KPNA1: variants seen among roughly 807,000 people sequenced by gnomAD.
KPNA1 encodes the protein karyopherin subunit alpha 1.
KPNA1 carries 10 observed loss-of-function variants against 70.5 expected under a neutral mutation model. That is an observed-to-expected ratio of 0.14 (90% CI 0.09 to 0.24). The LOEUF (loss-of-function observed/expected upper bound fraction) is 0.24. KPNA1 is among the 10% of genes least tolerant of loss of function. The pLI, the probability that KPNA1 is intolerant of heterozygous loss-of-function variation, is 1.00. For synonymous variants in KPNA1, 192 were observed against 221.9 expected (o/e 0.87, Z 1.20); for missense variants, 397 against 637.9 (o/e 0.62, Z 4.07).
chr3:122,472,745 A>T (rs1187508240), intron 2 of KPNA1, among the ~76,000 whole-genome samples: 2 of 152,194 alleles, frequency 1.3e-5, no homozygotes, highest in Non-Finnish European at 2.9e-5. Context: ...TCAAAGAAAG[A>T]AAATCACTAC....
In KPNA1 at chr3:122,451,608, T is replaced by C. The variant is rs769193108; in HGVS notation, c.679A>G (p.Thr227Ala). The change falls in exon 8 of 14, where the codon ACC becomes GCC. Residue 227 changes from threonine to alanine, a missense_variant. By Grantham distance (58) the Thr-to-Ala change is moderately conservative. Coordinates refer to ENST00000344337, the MANE Select transcript of KPNA1 (RefSeq NM_002264.4). ...GCCCATACTGCATTCCGGGTCATGG[T>C]CAGGCGGTTTTGCTTTGAAAATAAC... ...LQLFSKQNRL[T>A]MTRNAVWALS... 1.2e-6 allele frequency: 2 copies of C among 1,613,940 alleles called. No homozygotes were observed. Among genetic ancestry groups the C allele is most frequent in the South Asian group, 2.2e-5 (2 of 91,050 alleles).
At chr3:122,499,438 G>A (rs2076799907) in intron 1 of KPNA1, among the ~76,000 whole-genome samples, 1 of 133,070 alleles carries the variant, frequency 7.5e-6, no homozygotes, top group African/African-American at 2.6e-5. Flanking sequence ...ATATCACAAT[G>A]TGATTTTTTT....
chr3:122,504,298 A>T (rs2076863900), intron 1 of KPNA1, among the ~76,000 whole-genome samples: 1 of 148,778 alleles, frequency 6.7e-6, no homozygotes, highest in Non-Finnish European at 1.5e-5. Flanking sequence ...TTCACAGATG[A>T]CCATTTTTTT....
At chr3:122,448,386 A>T (rs1463554564) in intron 9 of KPNA1, among the ~76,000 whole-genome samples, 1 of 152,230 alleles carries the variant, frequency 6.6e-6, no homozygotes, top group Non-Finnish European at 1.5e-5. Flanking sequence ...AATGTGGTAC[A>T]TATACACCAC....
chr3:122,498,029 A>T (rs1334759739), intron 1 of KPNA1, among the ~76,000 whole-genome samples: 22 of 152,094 alleles, frequency 1.4e-4, no homozygotes, highest in Non-Finnish European at 1.5e-5. Context: ...TAAGTCTGTG[A>T]TCCATTTTGA....
intron 2 of KPNA1, among the ~76,000 whole-genome samples, chr3:122,486,086 A>T (rs1450353571): frequency 2.0e-5 from 3 of 152,210 alleles, no homozygotes; most frequent in Non-Finnish European, 2.9e-5. Context: ...TCCTAAGTAT[A>T]CACCAGCTAT....
At chr3:122,461,950 C>T (rs943045745) in intron 4 of KPNA1, among the ~76,000 whole-genome samples, 1 of 152,104 alleles carries the variant, frequency 6.6e-6, no homozygotes. Flanking sequence ...TGACAATATG[C>T]GTGTGGCAAT....
At chr3:122,459,399 G>GA in intron 5 of KPNA1, 1 of 984,766 alleles carries the variant, frequency 1.0e-6, no homozygotes, top group Non-Finnish European at 1.2e-6. Context: ...AGACAGGAAA[G>GA]AAACACTTTT....
rs766198475 is a variant in KPNA1 at position 122,467,390 on chromosome 3, T to A, written c.169A>T (p.Thr57Ser). 2 of 1,610,620 alleles carry A rather than the reference T, an allele frequency of 1.2e-6. No individual in the cohort carries two copies. Among genetic ancestry groups the A allele is most frequent in the Non-Finnish European group, 1.7e-6 (2 of 1,177,748 alleles). The change falls in exon 3 of 14, where the codon ACA (threonine) becomes TCA (serine). Residue 57 changes from threonine (T) to serine (S), a missense_variant. Coordinates refer to ENST00000344337, the MANE Select transcript of KPNA1 (RefSeq NM_002264.4). ...CCATCTGACATAACTTCTTCTTCTG[T>A]TTCTTCTTCTGCTGTAGCAACATTT... ...RRNVATAEEETEEEVMSDGGF... is the reference protein window; with the variant it reads ...RRNVATAEEESEEEVMSDGGF...
intron 5 of KPNA1, among the ~76,000 whole-genome samples, chr3:122,456,803 A>T (rs1288465497): frequency 6.6e-6 from 1 of 152,210 alleles, no homozygotes; most frequent in Non-Finnish European, 1.5e-5. Context: ...AAAATCAAAA[A>T]CAGTTTTGCT....
rs142444392 is a variant in KPNA1 at position 122,477,379 on chromosome 3, A to G, written c.130-9950T>C. Reference sequence around the variant, plus strand: ...CAACATGGTGACTATAGTTCATAACAGTATATTGTACATTTGAAGACTGTT... The same window carrying G: ...CAACATGGTGACTATAGTTCATAACGGTATATTGTACATTTGAAGACTGTT... On this transcript the variant is annotated intron_variant, in intron 2 of 13. Coordinates refer to ENST00000344337, the MANE Select transcript of KPNA1 (RefSeq NM_002264.4). Among the ~76,000 whole-genome samples the G allele has an allele frequency of 1.2e-3, 186 of 152,326 alleles. 1 individual carries two copies. Among genetic ancestry groups the G allele is most frequent in the African/African-American group, 4.4e-3 (182 of 41,562 alleles).
intron 5 of KPNA1, among the ~76,000 whole-genome samples, chr3:122,459,036 T>C (rs1284495460): frequency 6.6e-6 from 1 of 152,204 alleles, no homozygotes; most frequent in Non-Finnish European, 1.5e-5. Context: ...GCCTAATTAT[T>C]AGTTTGCACA....
At chr3:122,482,741 A>G (rs1267242051) in intron 2 of KPNA1, among the ~76,000 whole-genome samples, 1 of 152,216 alleles carries the variant, frequency 6.6e-6, no homozygotes, top group Non-Finnish European at 1.5e-5. Context: ...TTACAACAGC[A>G]TCAATAAAAA....
At chr3:122,512,133 C>CT (rs2076961607) in intron 1 of KPNA1, among the ~76,000 whole-genome samples, 1 of 151,888 alleles carries the variant, frequency 6.6e-6, no homozygotes, top group Admixed American at 6.6e-5. Flanking sequence ...GAACACAGCT[C>CT]TGAGACTCCT....
intron 4 of KPNA1, among the ~76,000 whole-genome samples, chr3:122,461,998 G>C (rs1462658461): frequency 6.6e-6 from 1 of 152,172 alleles, no homozygotes; most frequent in Admixed American, 6.5e-5. Flanking sequence ...TACTACTAGG[G>C]AGATTCTTAC....
intron 10 of KPNA1, among the ~76,000 whole-genome samples, chr3:122,440,669 A>C (rs191210156): frequency 1.3e-5 from 2 of 152,364 alleles, no homozygotes; most frequent in African/African-American, 2.4e-5. Flanking sequence ...TTTTATGCAA[A>C]TATAGTCAAA....
chr3:122,458,584 G>T (rs970004866), intron 5 of KPNA1, among the ~76,000 whole-genome samples: 1 of 152,126 alleles, frequency 6.6e-6, no homozygotes, highest in Non-Finnish European at 1.5e-5. Flanking sequence ...ATTTCCTCTT[G>T]GCACCACATA....
intron 1 of KPNA1, among the ~76,000 whole-genome samples, chr3:122,510,626 G>T (rs1251419063): frequency 1.3e-5 from 2 of 152,108 alleles, no homozygotes; most frequent in Admixed American, 6.5e-5. Flanking sequence ...TGGCAGGTGA[G>T]GTGAATATAT....
At position 122,426,663 on chromosome 3, in the gene KPNA1, C is replaced by G. The variant is rs1161148480; in HGVS notation, c.*322G>C. ...ATGAGGAGGAGTCCTCTTTTATTCCCCCACAAGAAAAAGGGAGCCACATTA... is the reference window on the plus strand; with the variant it reads ...ATGAGGAGGAGTCCTCTTTTATTCCGCCACAAGAAAAAGGGAGCCACATTA... On this transcript the variant is annotated 3_prime_UTR_variant, in exon 14 of 14. Transcript: ENST00000344337. 9.2e-6 allele frequency: 2 copies of G among 218,170 alleles called. No homozygotes were observed. The highest frequency in any genetic ancestry group is 1.8e-5 in the Non-Finnish European group (2 of 111,436). 13.5% of individuals were successfully genotyped at this position (218,170 alleles called of 1,614,324 possible).
Sources: gnomAD v4.1 joint callset for allele counts (sites outside exome capture counted in the v4.1 genomes callset) on GRCh38, gnomAD v4.1.1 for gene constraint, MANE v1.5 for transcripts, NCBI Gene and HGNC (gene_info 2026-07-23, HGNC 2026-07-21) for gene names.